Variants in CNTNAP3B observed in about 807,000 individuals in gnomAD.
CNTNAP3B encodes contactin-associated protein-like 3B.
In CNTNAP3B, 25 loss-of-function variants were observed where a neutral mutation model predicts 108.9. That is an observed-to-expected ratio of 0.23 (90% confidence interval 0.17 to 0.32). The LOEUF is 0.32. Among genes scored for constraint, CNTNAP3B ranks in the 10% least tolerant of loss-of-function variants. The pLI, the probability that CNTNAP3B is intolerant of heterozygous loss-of-function variation, is 1.00. For synonymous variants in CNTNAP3B, 103 were observed against 473.4 expected (o/e 0.22, Z 10.16); for missense variants, 252 against 1,210.4 (o/e 0.21, Z 11.75).
chr9:42,021,856 C>A lies in CNTNAP3B; in HGVS notation c.391-8331G>T, dbSNP rs1165434039. On this transcript the variant is annotated intron_variant, in intron 3 of 23. Transcript: ENST00000377561. The stretch of plus-strand genomic sequence containing the variant: ...AATTCTAACAGTGAAATTGAAACTG[C>A]CTTTGCACAAATTCTAACAGTGACA... Among the ~76,000 whole-genome samples, 3 of 137,850 alleles carry A rather than the reference C, an allele frequency of 2.2e-5. No individual in the cohort carries two copies. In the East Asian group the frequency reaches 6.6e-4, roughly 30 times the overall value. 90.4% of individuals were successfully genotyped at this position (137,850 alleles called of 152,430 possible).
At chr9:41,926,104 C>G (rs991098797) in intron 15 of CNTNAP3B, among the ~76,000 whole-genome samples, 1 of 152,284 alleles carries the variant, frequency 6.6e-6, no homozygotes, top group Non-Finnish European at 1.5e-5. Flanking sequence ...ATATTAAAAT[C>G]CATGAGTTCA....
chr9:41,956,077 TA>T (rs1292581317), intron 12 of CNTNAP3B, among the ~76,000 whole-genome samples: 48 of 152,074 alleles, frequency 3.2e-4, no homozygotes, highest in Admixed American at 8.5e-4. Flanking sequence ...GTACTGAGAG[TA>T]AAAAAAAAAA....
At chr9:41,958,346 CTG>C (rs1455930821) in intron 12 of CNTNAP3B, among the ~76,000 whole-genome samples, 1 of 152,304 alleles carries the variant, frequency 6.6e-6, no homozygotes, top group Non-Finnish European at 1.5e-5. Context: ...GGGGGTCTCA[CTG>C]TGTTGCCCAG....
At chr9:41,938,790 C>A (rs1824237619) in intron 13 of CNTNAP3B, among the ~76,000 whole-genome samples, 2 of 152,272 alleles carry the variant, frequency 1.3e-5, no homozygotes, top group Admixed American at 6.5e-5. Context: ...TAATATTATA[C>A]AAAGACATTG....
intron 10 of CNTNAP3B, among the ~76,000 whole-genome samples, chr9:41,969,555 A>C (rs1420342874): frequency 6.6e-6 from 1 of 151,288 alleles, no homozygotes; most frequent in African/African-American, 2.4e-5. Flanking sequence ...AAAATTCATA[A>C]GGTGTATATC....
intron 14 of CNTNAP3B, among the ~76,000 whole-genome samples, chr9:41,934,120 T>TACAC (rs1409041627): frequency 3.3e-5 from 4 of 120,438 alleles, no homozygotes; most frequent in Middle Eastern, 4.1e-3. Flanking sequence ...TATATATATA[T>TACAC]ATACACACAC....
In CNTNAP3B at chr9:42,124,420, A is replaced by G. The variant is rs1200640620; in HGVS notation, c.85+4590T>C. ...TCACACTTGTCTTTTATACAGTACC[A>G]CAACACATCAAGCAGATATATGAAT... On this transcript the variant is annotated intron_variant, in intron 1 of 23. Coordinates refer to ENST00000377561, the MANE Select transcript of CNTNAP3B (RefSeq NM_001201380.3). Among the ~76,000 whole-genome samples the G allele has an allele frequency of 2.9e-5, 4 of 138,128 alleles. 1 individual carries two copies. The highest frequency in any genetic ancestry group is 1.2e-4 in the African/African-American group (4 of 34,614). 90.6% of individuals were successfully genotyped at this position (138,128 alleles called of 152,430 possible).
At chr9:41,938,782 A>T (rs1285110203) in intron 13 of CNTNAP3B, among the ~76,000 whole-genome samples, 1 of 152,294 alleles carries the variant, frequency 6.6e-6, no homozygotes, top group African/African-American at 2.4e-5. Context: ...AGAAAGTTTA[A>T]TATTATACAA....
chr9:41,937,270 G>C (rs530676753), intron 14 of CNTNAP3B, among the ~76,000 whole-genome samples: 3 of 151,530 alleles, frequency 2.0e-5, no homozygotes, highest in Admixed American at 2.0e-4. Flanking sequence ...GGGACTACAG[G>C]CACACACAGC....
At chr9:41,943,806 G>C (rs879465881) in intron 13 of CNTNAP3B, among the ~76,000 whole-genome samples, 1 of 152,226 alleles carries the variant, frequency 6.6e-6, no homozygotes, top group Admixed American at 6.5e-5. Context: ...ATAGGTTCAG[G>C]AATCTCAGCA....
Position 42,124,128 on chromosome 9 carries a change from A to C in CNTNAP3B, c.85+4882T>G, listed in dbSNP as rs539836730. On this transcript the variant is annotated intron_variant, in intron 1 of 23. Transcript: ENST00000377561. ...AAGTAGGCATGCTACTTAAATCACA[A>C]TCCTGTAGTTATAAGGTTAAAACTA... Among the ~76,000 whole-genome samples, 104 of 138,904 alleles carry C rather than the reference A, an allele frequency of 7.5e-4. 8 individuals carry two copies. Among genetic ancestry groups the C allele is most frequent in the Admixed American group, 1.2e-3 (17 of 13,910 alleles). 91.1% of individuals were successfully genotyped at this position (138,904 alleles called of 152,430 possible). A position where few individuals can be genotyped will look rare whatever the true frequency, so the allele number is the denominator to read the frequency against.
chr9:42,014,512 C>T (rs146915510), intron 3 of CNTNAP3B, among the ~76,000 whole-genome samples: 1,695 of 115,778 alleles, frequency 0.015, 135 homozygotes, highest in South Asian at 0.063. Flanking sequence ...AGGCTTAGGG[C>T]CAGCGCGTTG....
chr9:42,021,836 T>G (rs1587205453), intron 3 of CNTNAP3B, among the ~76,000 whole-genome samples: 1 of 137,704 alleles, frequency 7.3e-6, no homozygotes, highest in East Asian at 2.2e-4. Context: ...GCACAAATTC[T>G]AACAGTGAAA....
At chr9:41,929,971 C>A (rs1588045960) in intron 14 of CNTNAP3B, among the ~76,000 whole-genome samples, 1 of 152,156 alleles carries the variant, frequency 6.6e-6, no homozygotes, top group African/African-American at 2.4e-5. Context: ...AAGAAGGTAA[C>A]TTCCCTTCTA....
chr9:42,127,584 A>G (rs1164825169), intron 1 of CNTNAP3B, among the ~76,000 whole-genome samples: 1 of 139,810 alleles, frequency 7.2e-6, no homozygotes, highest in Non-Finnish European at 1.5e-5. Context: ...TTATGTGTTT[A>G]TTTAAGCCAA....
rs1457316160 is a variant in CNTNAP3B at position 42,116,097 on chromosome 9, A to G, written c.86-11358T>C. 3.6e-5 allele frequency among the ~76,000 whole-genome samples: 5 copies of G among 139,824 alleles called. 1 individual carries two copies. Among genetic ancestry groups the G allele is most frequent in the Admixed American group, 7.1e-5 (1 of 14,046 alleles). The allele number at this position is 139,824 out of a possible 152,430, so 91.7% of individuals were successfully genotyped here. ...TGCACAAGCTTCAGTAGCCAATCCG[A>G]TCAACTGGAAGAAAGGGTATCAGTG... On this transcript the variant is annotated intron_variant, in intron 1 of 23. Coordinates refer to ENST00000377561, the MANE Select transcript of CNTNAP3B (RefSeq NM_001201380.3).
chr9:42,126,911 A>T lies in CNTNAP3B; in HGVS notation c.85+2099T>A, dbSNP rs1178801573. Among the ~76,000 whole-genome samples the T allele has an allele frequency of 2.9e-5, 4 of 138,506 alleles. 1 individual carries two copies. The highest frequency in any genetic ancestry group is 2.1e-4 in the Admixed American group (3 of 13,962). The allele number at this position is 138,506 out of a possible 152,430, so 90.9% of individuals were successfully genotyped here. ...TGAAGAGCCATTTCATGCCATCATCAACAGGCTGCCTTCGTGGGTGGCCAA... is the reference window on the plus strand; with the variant it reads ...TGAAGAGCCATTTCATGCCATCATCTACAGGCTGCCTTCGTGGGTGGCCAA... On this transcript the variant is annotated intron_variant, in intron 1 of 23. Coordinates refer to ENST00000377561, the MANE Select transcript of CNTNAP3B (RefSeq NM_001201380.3).
intron 17 of CNTNAP3B, among the ~76,000 whole-genome samples, chr9:41,920,738 C>A (rs1226533547): frequency 8.5e-5 from 13 of 152,378 alleles, no homozygotes; most frequent in African/African-American, 2.6e-4. Flanking sequence ...GTATGAACTT[C>A]CAAATTTTTC....
chr9:41,923,567 G>A (rs919274667), intron 16 of CNTNAP3B, among the ~76,000 whole-genome samples: 1 of 152,290 alleles, frequency 6.6e-6, no homozygotes, highest in Non-Finnish European at 1.5e-5. Flanking sequence ...TTGAAGACCA[G>A]CCTGGTCAAC....
Sources: gnomAD v4.1 joint callset for allele counts (sites outside exome capture counted in the v4.1 genomes callset) on GRCh38, gnomAD v4.1.1 for gene constraint, MANE v1.5 for transcripts, NCBI Gene and HGNC (gene_info 2026-07-23, HGNC 2026-07-21) for gene names.